Variants in TASL observed in about 807,000 individuals in gnomAD.
The protein encoded by TASL is TLR adaptor interacting with endolysosomal SLC15A4.
In TASL, 6 loss-of-function variants were observed where a neutral mutation model predicts 12.9. The ratio of observed to expected loss-of-function variants is 0.46; its 90% CI spans 0.25 to 0.92. The LOEUF (loss-of-function observed/expected upper bound fraction) is 0.92. TASL is among the 40% of genes least tolerant of loss of function. The pLI is 0.17. For synonymous variants in TASL, 85 were observed against 79.3 expected (o/e 1.07, Z -0.38); for missense variants, 165 against 212.8 (o/e 0.78, Z 1.40).
At chrX:30,564,690 C>T (rs1381424091) in intron 2 of TASL, among the ~76,000 whole-genome samples, 1 of 111,694 alleles carries the variant, frequency 9.0e-6, no homozygotes, top group Non-Finnish European at 1.9e-5. Flanking sequence ...GGTTACAAGT[C>T]TCAAATAGCT....
chrX:30,565,422 G>T (rs187980123), intron 2 of TASL, among the ~76,000 whole-genome samples: 71 of 112,102 alleles, frequency 6.3e-4, no homozygotes, highest in Non-Finnish European at 1.2e-3. Context: ...AACTGAAAAG[G>T]TCTGACCATC....
At position 30,572,357 on chromosome X, in the gene TASL, CAG is replaced by C. The variant is rs1047646797; in HGVS notation, c.-2+4393_-2+4394del. On this transcript the variant is annotated intron_variant, in intron 2 of 2. Transcript: ENST00000378962. ...TTTTTGATTGATTTTTTAAAATTGA[CAG>C]ATAAAATTGTATGAATTTCTCATGT... Among the ~76,000 whole-genome samples the C allele has an allele frequency of 4.4e-4, 49 of 112,163 alleles. 1 individual carries two copies. The highest frequency in any genetic ancestry group is 1.5e-3 in the African/African-American group (47 of 30,892).
chrX:30,566,699 GAATTGTTC>G (rs763485780), intron 2 of TASL, among the ~76,000 whole-genome samples: 16 of 111,611 alleles, frequency 1.4e-4, no homozygotes, highest in Non-Finnish European at 2.8e-4. Context: ...ATGCCTGTGT[GAATTGTTC>G]AACGAAAAAT....
chrX:30,559,822 T>A lies in TASL; in HGVS notation c.534A>T (p.Gln178His). The stretch of plus-strand genomic sequence containing the variant: ...AGGATGAGTACCGCTGGATAGGTTT[T>A]TGGGGAAAGTCACTGGGCTGAGTAG... ...SISTQPSDFPQKPIQRYSSYW... is the reference protein window; with the variant it reads ...SISTQPSDFPHKPIQRYSSYW... The change falls in exon 3 of 3, where the codon CAA (glutamine) becomes CAT (histidine). Residue 178 changes from glutamine (Q) to histidine (H), a missense_variant. Physicochemically the swap from Gln to His is conservative, Grantham distance 24. Transcript: ENST00000378962. The A allele has an allele frequency of 8.3e-7, 1 of 1,210,760 alleles. No individual in the cohort carries two copies. The highest frequency in any genetic ancestry group is 1.8e-5 in the South Asian group (1 of 56,709).
intron 2 of TASL, among the ~76,000 whole-genome samples, chrX:30,568,032 T>G (rs1954227606): frequency 9.0e-6 from 1 of 110,764 alleles, no homozygotes; most frequent in African/African-American, 3.3e-5. Flanking sequence ...AGGTCAGGAG[T>G]TAGAGACCAG....
At chrX:30,561,300 G>C (rs1930419172) in intron 2 of TASL, among the ~76,000 whole-genome samples, 1 of 111,334 alleles carries the variant, frequency 9.0e-6, no homozygotes, top group South Asian at 3.8e-4. Context: ...TTACCTCCTA[G>C]TTACCAAGGA....
Position 30,566,990 on chromosome X carries a change from A to C in TASL, c.-1-6634T>G, listed in dbSNP as rs903622386. On this transcript the variant is annotated intron_variant, in intron 2 of 2. Coordinates refer to ENST00000378962, the MANE Select transcript of TASL (RefSeq NM_025159.3). ...TAATCTCCAATTGATAATGTTAAGAAAGTTGTGTAGCAGTAAAGCCAGGCA... is the reference window on the plus strand; with the variant it reads ...TAATCTCCAATTGATAATGTTAAGACAGTTGTGTAGCAGTAAAGCCAGGCA... 7.1e-5 allele frequency among the ~76,000 whole-genome samples: 8 copies of C among 111,989 alleles called. No homozygotes were observed. The East Asian group carries it at 1.9e-3, about 27-fold the overall frequency.
Position 30,559,357 on chromosome X carries a change from C to T in TASL, c.*93G>A. On this transcript the variant is annotated 3_prime_UTR_variant, in exon 3 of 3. Coordinates refer to ENST00000378962, the MANE Select transcript of TASL (RefSeq NM_025159.3). ...TTTACTTCTCTAGCCCTTAATTCCC[C>T]TTCACTAACCCCTCCTGCACATTCT... 3 of 690,611 alleles carry T rather than the reference C, an allele frequency of 4.3e-6. No individual in the cohort carries two copies. The South Asian group carries it at 9.3e-5, about 21-fold the overall frequency. The allele number at this position is 690,611 out of a possible 1,213,427, so 56.9% of individuals were successfully genotyped here.
Position 30,559,957 on chromosome X carries a change from C to G in TASL, c.399G>C (p.Gln133His). The change falls in exon 3 of 3, where the codon CAG (glutamine) becomes CAC (histidine). Residue 133 changes from glutamine (Q) to histidine (H), a missense_variant. Transcript: ENST00000378962. ...TTGTCACTGAATTAATGGCCATCAC[C>G]TGGCCCCCTGCAATCTGTAAGTCAT... Reference protein sequence around the residue: ...NYNDLQIAGGQVMAINSVTTD... With the variant: ...NYNDLQIAGGHVMAINSVTTD... The G allele has an allele frequency of 4.1e-6, 5 of 1,210,805 alleles. No homozygotes were observed. The highest frequency in any genetic ancestry group is 5.6e-6 in the Non-Finnish European group (5 of 894,865).
chrX:30,569,094 C>T (rs1280698177), intron 2 of TASL, among the ~76,000 whole-genome samples: 1 of 110,746 alleles, frequency 9.0e-6, no homozygotes, highest in African/African-American at 3.3e-5. Flanking sequence ...GGCACTGCAA[C>T]GTTCTGGCAG....
rs1930386130 is a variant in TASL at position 30,559,560 on chromosome X, T to C, written c.796A>G (p.Lys266Glu). ...CGGCTAAAGACTATATCTCTGGCTTTTGAGGTCTCCAGATTCTTCTCTCTA... is the reference window on the plus strand; with the variant it reads ...CGGCTAAAGACTATATCTCTGGCTTCTGAGGTCTCCAGATTCTTCTCTCTA... ...VSREKNLETS[K>E]ARDIVFSRLL... Residue 266 changes from lysine (K) to glutamate (E), a missense_variant, in exon 3 of 3, where the codon AAA becomes GAA. Lys to Glu is a moderately conservative substitution (Grantham distance 56, BLOSUM62 1). Transcript: ENST00000378962. The C allele has an allele frequency of 1.7e-6, 2 of 1,208,386 alleles. No individual in the cohort carries two copies. Among genetic ancestry groups the C allele is most frequent in the Admixed American group, 4.4e-5 (2 of 45,736 alleles).
rs945564066 is a variant in TASL at position 30,560,372 on chromosome X, A to G, written c.-1-16T>C. The G allele has an allele frequency of 1.8e-6, 2 of 1,092,353 alleles. No individual in the cohort carries two copies. Among genetic ancestry groups the G allele is most frequent in the African/African-American group, 3.7e-5 (2 of 53,807 alleles). The allele number at this position is 1,092,353 out of a possible 1,213,427, so 90.0% of individuals were successfully genotyped here. On this transcript the variant is annotated splice_polypyrimidine_tract_variant and intron_variant, in intron 2 of 2. Transcript: ENST00000378962. ...TGACAGCATTCTGGAAAGAGAATTG[A>G]TGAGTAAGAATGGGGAAAAAGAATA... is the stretch of plus-strand genomic sequence containing the variant.
Position 30,559,728 on chromosome X carries a change from G to A in TASL, c.628C>T (p.Leu210=), listed in dbSNP as rs747880237. The part of the protein sequence containing the change: ...QMQNPISNAV[L]NEYLEQKVVE... ...ACCTTCTGCTCCAGGTACTCATTCA[G>A]AACTGCATTAGAAATAGGATTCTGC... is the stretch of plus-strand genomic sequence containing the variant. Residue 210 remains leucine (L), a synonymous_variant, in exon 3 of 3, where the codon CTG becomes TTG. Coordinates refer to ENST00000378962, the MANE Select transcript of TASL (RefSeq NM_025159.3). 16 of 1,208,563 alleles carry A rather than the reference G, an allele frequency of 1.3e-5. No homozygotes were observed. The African/African-American group carries it at 2.6e-4, about 20-fold the overall frequency.
intron 2 of TASL, among the ~76,000 whole-genome samples, chrX:30,560,877 G>A (rs1033754273): frequency 1.8e-5 from 2 of 110,953 alleles, no homozygotes; most frequent in African/African-American, 3.3e-5. Context: ...AAATTGGATC[G>A]TGAAGAGCCT....
rs190147379 is a variant in TASL at position 30,573,323 on chromosome X, A to T, written c.-2+3429T>A. On this transcript the variant is annotated intron_variant, in intron 2 of 2. Coordinates refer to ENST00000378962, the MANE Select transcript of TASL (RefSeq NM_025159.3). ...ATAACACGCAATTAGTCCTTCCAGG[A>T]AAAGGGCATCAGCCCTGATTCCATG... Among the ~76,000 whole-genome samples the T allele has an allele frequency of 1.7e-3, 186 of 112,306 alleles. 2 individuals carry two copies. Among genetic ancestry groups the T allele is most frequent in the Admixed American group, 4.0e-3 (42 of 10,620 alleles).
chrX:30,567,389 T>C (rs1930514814), intron 2 of TASL, among the ~76,000 whole-genome samples: 1 of 111,862 alleles, frequency 8.9e-6, no homozygotes, highest in African/African-American at 3.2e-5. Context: ...ATAGTCATGA[T>C]AATATAGCAC....
At chrX:30,568,284 T>C (rs182529454) in intron 2 of TASL, among the ~76,000 whole-genome samples, 31 of 110,392 alleles carry the variant, frequency 2.8e-4, no homozygotes, top group Non-Finnish European at 5.5e-4. Context: ...GAGAAGAAGA[T>C]GGCATTTCCT....
chrX:30,569,433 C>T (rs1252502580), intron 2 of TASL, among the ~76,000 whole-genome samples: 1 of 111,547 alleles, frequency 9.0e-6, no homozygotes, highest in Non-Finnish European at 1.9e-5. Flanking sequence ...TTTAGCTTAG[C>T]TCTTCTTGAG....
intron 2 of TASL, among the ~76,000 whole-genome samples, chrX:30,576,417 C>G (rs902732557): frequency 9.0e-6 from 1 of 110,970 alleles, no homozygotes; most frequent in Non-Finnish European, 1.9e-5. Context: ...AAAGGACAGG[C>G]AGAGACAGAG....
Sources: gnomAD v4.1 joint callset for allele counts (sites outside exome capture counted in the v4.1 genomes callset) on GRCh38, gnomAD v4.1.1 for gene constraint, MANE v1.5 for transcripts, NCBI Gene and HGNC (gene_info 2026-07-23, HGNC 2026-07-21) for gene names.